MOSMO: variants seen among roughly 807,000 people sequenced by gnomAD.
MOSMO encodes the protein modulator of smoothened.
A neutral mutation model predicts 18.4 loss-of-function variants in MOSMO; 5 were observed. That is an observed-to-expected ratio of 0.27 (90% confidence interval 0.14 to 0.57). The LOEUF is 0.57. Among genes scored for constraint, MOSMO ranks in the 20% least tolerant of loss-of-function variants. The pLI is 0.92. For synonymous variants in MOSMO, 82 were observed against 82.3 expected (o/e 1.00, Z 0.02); for missense variants, 138 against 211.8 (o/e 0.65, Z 2.16).
chr16:22,072,957 ATTC>A (rs902383967), intron 1 of MOSMO, among the ~76,000 whole-genome samples: 11 of 152,282 alleles, frequency 7.2e-5, no homozygotes, highest in Middle Eastern at 3.4e-3. Context: ...GACTATAGCT[ATTC>A]TTTTAAAGCT....
In MOSMO at chr16:22,019,453, G is replaced by A. The variant is rs181078518; in HGVS notation, c.106+11046G>A. Among the ~76,000 whole-genome samples the A allele has an allele frequency of 8.5e-5, 13 of 152,144 alleles. No homozygotes were observed. The East Asian group carries it at 2.1e-3, about 25-fold the overall frequency. On this transcript the variant is annotated intron_variant, in intron 1 of 2. Coordinates refer to ENST00000542527, the MANE Select transcript of MOSMO (RefSeq NM_001164579.2). ...ACCTAAAGTGATTTTCCAACCCCTT[G>A]GTAACACTTTGCACATTTTTTATGG...
intron 1 of MOSMO, among the ~76,000 whole-genome samples, chr16:22,055,981 T>C (rs1327634744): frequency 6.6e-6 from 1 of 152,214 alleles, no homozygotes; most frequent in East Asian, 1.9e-4. Flanking sequence ...ACTTGAATAG[T>C]ACAAAGCATG....
intron 1 of MOSMO, among the ~76,000 whole-genome samples, chr16:22,067,929 C>A (rs1423416272): frequency 6.6e-6 from 1 of 151,748 alleles, no homozygotes; most frequent in Non-Finnish European, 1.5e-5. Context: ...AATTCTATAT[C>A]CAGCAAAGCT....
downstream of MOSMO, chr16:22,085,630 C>A (rs1388169484): frequency 4.6e-5 from 7 of 152,084 alleles, no homozygotes; most frequent in Non-Finnish European, 1.0e-4. Context: ...ATTCTTCTAT[C>A]ATCTCTATTC....
At chr16:22,041,919 C>T (rs979987151) in intron 1 of MOSMO, among the ~76,000 whole-genome samples, 3 of 152,086 alleles carry the variant, frequency 2.0e-5, no homozygotes, top group African/African-American at 7.2e-5. Context: ...CTCCTGGCCT[C>T]GAGCGATCCT....
intron 1 of MOSMO, among the ~76,000 whole-genome samples, chr16:22,073,062 A>G (rs961209552): frequency 2.0e-5 from 3 of 152,162 alleles, no homozygotes; most frequent in African/African-American, 7.2e-5. Flanking sequence ...TGTGCTAGAC[A>G]GAGGAGGAGG....
chr16:22,008,186 A>C lies in MOSMO; in HGVS notation c.-116A>C. ...GGGCGCGAGCGGCGCGCGGGGGCCGAGGGGGCGCGAGGCAGCGGCGCGGGG... is the reference window on the plus strand; with the variant it reads ...GGGCGCGAGCGGCGCGCGGGGGCCGCGGGGGCGCGAGGCAGCGGCGCGGGG... On this transcript the variant is annotated 5_prime_UTR_variant, in exon 1 of 3. Coordinates refer to ENST00000542527, the MANE Select transcript of MOSMO (RefSeq NM_001164579.2). 1 of 248,502 alleles carries C rather than the reference A, an allele frequency of 4.0e-6. No homozygotes were observed. Among genetic ancestry groups the C allele is most frequent in the African/African-American group, 2.8e-5 (1 of 35,366 alleles). The allele number at this position is 248,502 out of a possible 1,614,324, so 15.4% of individuals were successfully genotyped here.
At chr16:22,008,657 T>G (rs1227564285) in intron 1 of MOSMO, among the ~76,000 whole-genome samples, 1 of 149,808 alleles carries the variant, frequency 6.7e-6, no homozygotes, top group Non-Finnish European at 1.5e-5. Flanking sequence ...CGAGGAGACC[T>G]GGGCTGGGCT....
chr16:22,038,303 C>A (rs906061202), intron 1 of MOSMO, among the ~76,000 whole-genome samples: 2 of 152,148 alleles, frequency 1.3e-5, no homozygotes, highest in Admixed American at 1.3e-4. Flanking sequence ...TGCAAAATAA[C>A]TAGTAGGGAG....
At chr16:22,064,250 TG>T (rs1437455665) in intron 1 of MOSMO, 1 of 454,908 alleles carries the variant, frequency 2.2e-6, no homozygotes, top group Non-Finnish European at 4.4e-6. Context: ...TTAGTCTTTT[TG>T]TTAAAATACT....
At chr16:22,039,816 G>A (rs566164570) in intron 1 of MOSMO, among the ~76,000 whole-genome samples, 1 of 152,262 alleles carries the variant, frequency 6.6e-6, no homozygotes, top group Admixed American at 6.5e-5. Flanking sequence ...TAAGATAGCA[G>A]CACTCCCTCC....
chr16:22,035,414 T>TTA (rs1900088227), intron 1 of MOSMO, among the ~76,000 whole-genome samples: 1 of 150,994 alleles, frequency 6.6e-6, no homozygotes, highest in African/African-American at 2.4e-5. Flanking sequence ...TTTTTTTTTT[T>TTA]AATCTTCACT....
In MOSMO at chr16:22,082,697, A is replaced by C. The variant is rs1901104584; in HGVS notation, c.*1817A>C. The C allele has an allele frequency of 6.6e-6, 1 of 152,212 alleles. No homozygotes were observed. The highest frequency in any genetic ancestry group is 6.5e-5 in the Admixed American group (1 of 15,286). The allele number at this position is 152,212 out of a possible 1,614,324, so 9.4% of individuals were successfully genotyped here. On this transcript the variant is annotated 3_prime_UTR_variant, in exon 3 of 3. Transcript: ENST00000542527. Reference sequence around the variant, plus strand: ...GAAATGGAGGTGCTTGATGTGTTTCACACTGGCTTGTTTGACAGTCTTCTA... The same window carrying C: ...GAAATGGAGGTGCTTGATGTGTTTCCCACTGGCTTGTTTGACAGTCTTCTA...
chr16:22,014,571 A>G (rs1899600832), intron 1 of MOSMO, among the ~76,000 whole-genome samples: 1 of 152,198 alleles, frequency 6.6e-6, no homozygotes. Flanking sequence ...CTACAGGTAG[A>G]TCCCAGCCTA....
intron 1 of MOSMO, among the ~76,000 whole-genome samples, chr16:22,069,485 A>C (rs190255166): frequency 6.6e-6 from 1 of 152,314 alleles, no homozygotes; most frequent in East Asian, 1.9e-4. Flanking sequence ...TGGGAAAGAA[A>C]AAAGTGTGTA....
intron 1 of MOSMO, among the ~76,000 whole-genome samples, chr16:22,045,042 A>G (rs1900280154): frequency 6.6e-6 from 1 of 151,818 alleles, no homozygotes; most frequent in Non-Finnish European, 1.5e-5. Context: ...AAAATTAGCC[A>G]GGTATGGTGG....
intron 1 of MOSMO, among the ~76,000 whole-genome samples, chr16:22,060,892 A>T (rs1900631995): frequency 6.6e-6 from 1 of 152,082 alleles, no homozygotes; most frequent in Admixed American, 6.6e-5. Context: ...AAAAAAAAAA[A>T]AGAAAAGTAC....
At chr16:22,012,680 G>C (rs1441179690) in intron 1 of MOSMO, among the ~76,000 whole-genome samples, 1 of 144,570 alleles carries the variant, frequency 6.9e-6, no homozygotes, top group African/African-American at 2.6e-5. Context: ...TCCTCTTCCA[G>C]TCTCTCCATA....
chr16:22,077,354 C>T (rs1900990103), intron 2 of MOSMO, among the ~76,000 whole-genome samples: 1 of 152,146 alleles, frequency 6.6e-6, no homozygotes. Context: ...TAGTTGCCCC[C>T]AAATGCAATG....
Sources: allele counts gnomAD v4.1 joint callset (sites outside exome capture counted in the v4.1 genomes callset), GRCh38; gene constraint gnomAD v4.1.1; transcripts MANE v1.5; gene names NCBI Gene and HGNC (gene_info 2026-07-23, HGNC 2026-07-21).